TAFA5: variants seen among roughly 807,000 people sequenced by gnomAD.
The protein encoded by TAFA5 is TAFA chemokine like family member 5.
In TAFA5, 6 loss-of-function variants were observed where a neutral mutation model predicts 15.3. That is an observed-to-expected ratio of 0.39 (90% confidence interval 0.21 to 0.77). The LOEUF is 0.77. Among genes scored for constraint, TAFA5 ranks in the 30% least tolerant of loss-of-function variants. The pLI is 0.41. For missense variants in TAFA5, 161 were observed against 193.1 expected (o/e 0.83, Z 0.98); for synonymous variants, 103 against 80.7 (o/e 1.28, Z -1.48).
At chr22:48,532,584 C>CTCTATAGTGTCCCA (rs1289079596) in intron 1 of TAFA5, among the ~76,000 whole-genome samples, 1 of 152,218 alleles carries the variant, frequency 6.6e-6, no homozygotes, top group African/African-American at 2.4e-5. Context: ...AGACCTCAGG[C>CTCTATAGTGTCCCA]TGCAGACACT....
rs563805699 is a variant in TAFA5 at position 48,721,432 on chromosome 22, C to T, written c.390+13588C>T. On this transcript the variant is annotated intron_variant, in intron 3 of 3. Coordinates refer to ENST00000402357, the MANE Select transcript of TAFA5 (RefSeq NM_001082967.3). ...TGTGATCTCAGGTCCTCACCAGAGC[C>T]GTTGGAACCGGTGCCACTGTCTGAT... is the stretch of plus-strand genomic sequence containing the variant. 4.3e-4 allele frequency among the ~76,000 whole-genome samples: 66 copies of T among 152,336 alleles called. 1 individual carries two copies. Among genetic ancestry groups the T allele is most frequent in the Admixed American group, 1.0e-3 (16 of 15,302 alleles).
chr22:48,716,419 C>T (rs2147257444), intron 3 of TAFA5, among the ~76,000 whole-genome samples: 1 of 152,238 alleles, frequency 6.6e-6, no homozygotes, highest in Admixed American at 6.5e-5. Context: ...AACACAGGAA[C>T]AGAAAACCGA....
intron 1 of TAFA5, among the ~76,000 whole-genome samples, chr22:48,524,790 T>C (rs972238632): frequency 6.6e-6 from 1 of 151,672 alleles, no homozygotes; most frequent in Non-Finnish European, 1.5e-5. Context: ...GCACCAGGAG[T>C]GGGGAAGCAG....
In TAFA5 at chr22:48,552,350, T is replaced by C. The variant is rs115195418; in HGVS notation, c.112+62646T>C. Among the ~76,000 whole-genome samples, 177 of 152,252 alleles carry C rather than the reference T, an allele frequency of 1.2e-3. No individual in the cohort carries two copies. The highest frequency in any genetic ancestry group is 3.9e-3 in the African/African-American group (164 of 41,552). On this transcript the variant is annotated intron_variant, in intron 1 of 3. Coordinates refer to ENST00000402357, the MANE Select transcript of TAFA5 (RefSeq NM_001082967.3). The surrounding 1 kb of genome is among the most constrained non-coding windows in gnomAD (Gnocchi z 4.1). Reference sequence around the variant, plus strand: ...AGGCAGTGGCAGAAGTCTGATGGGCTGAAGCCCTCAGGAAACCTTCTCAGG... The same window carrying C: ...AGGCAGTGGCAGAAGTCTGATGGGCCGAAGCCCTCAGGAAACCTTCTCAGG...
At chr22:48,632,202 C>T (rs1401897340) in intron 1 of TAFA5, among the ~76,000 whole-genome samples, 1 of 152,222 alleles carries the variant, frequency 6.6e-6, no homozygotes, top group Non-Finnish European at 1.5e-5. Context: ...CGTCCTCAAC[C>T]CTTACCGCCA....
At chr22:48,491,391 G>C (rs902938144) in intron 1 of TAFA5, among the ~76,000 whole-genome samples, 2 of 152,084 alleles carry the variant, frequency 1.3e-5, no homozygotes, top group Non-Finnish European at 2.9e-5. Flanking sequence ...AGAGAGAGGA[G>C]AGGAGAGGGA....
intron 1 of TAFA5, among the ~76,000 whole-genome samples, chr22:48,571,108 A>ATCGT (rs1418702006): frequency 9.2e-5 from 14 of 152,278 alleles, no homozygotes; most frequent in African/African-American, 3.1e-4. Flanking sequence ...AATGGTATGC[A>ATCGT]TCGTTGACTG....
At chr22:48,494,443 G>C (rs1319920223) in intron 1 of TAFA5, among the ~76,000 whole-genome samples, 1 of 152,208 alleles carries the variant, frequency 6.6e-6, no homozygotes, top group Non-Finnish European at 1.5e-5. Context: ...AATCTGATCA[G>C]GTGGCCGGAG....
chr22:48,530,829 G>A lies in TAFA5; in HGVS notation c.112+41125G>A, dbSNP rs575906106. The stretch of plus-strand genomic sequence containing the variant: ...GGGGCAGGAGAGGCGACCCCAGTGC[G>A]TGTGGCTATGGGCTTCGACAAAGCA... On this transcript the variant is annotated intron_variant, in intron 1 of 3. Coordinates refer to ENST00000402357, the MANE Select transcript of TAFA5 (RefSeq NM_001082967.3). The surrounding 1 kb of genome is among the most constrained non-coding windows in gnomAD (Gnocchi z 6.0). Among the ~76,000 whole-genome samples the A allele has an allele frequency of 6.6e-5, 10 of 152,284 alleles. No individual in the cohort carries two copies. The highest frequency in any genetic ancestry group is 2.0e-4 in the Admixed American group (3 of 15,304).
At chr22:48,676,744 G>T (rs73433900) in intron 2 of TAFA5, among the ~76,000 whole-genome samples, 1 of 152,230 alleles carries the variant, frequency 6.6e-6, no homozygotes, top group African/African-American at 2.4e-5. Flanking sequence ...TCATGGCTTG[G>T]ACTCTGATAC....
At position 48,550,300 on chromosome 22, in the gene TAFA5, G is replaced by A. The variant is rs1922813969; in HGVS notation, c.112+60596G>A. 6.6e-6 allele frequency among the ~76,000 whole-genome samples: 1 copy of A among 152,240 alleles called. No homozygotes were observed. Among genetic ancestry groups the A allele is most frequent in the South Asian group, 2.1e-4 (1 of 4,830 alleles). ...GTAGGCCTGGGAGAACAGGGTCAGTGCAGGCCACAGGTGAGGCCAGATGCA... is the reference window on the plus strand; with the variant it reads ...GTAGGCCTGGGAGAACAGGGTCAGTACAGGCCACAGGTGAGGCCAGATGCA... On this transcript the variant is annotated intron_variant, in intron 1 of 3. Coordinates refer to ENST00000402357, the MANE Select transcript of TAFA5 (RefSeq NM_001082967.3). The surrounding 1 kb of genome is among the most constrained non-coding windows in gnomAD (Gnocchi z 4.1).
chr22:48,685,986 GC>G (rs1233476228), intron 2 of TAFA5, among the ~76,000 whole-genome samples: 1 of 149,210 alleles, frequency 6.7e-6, no homozygotes, highest in Non-Finnish European at 1.5e-5. Context: ...CCCCACGTGC[GC>G]CCCGGGAGTA....
chr22:48,506,462 G>A (rs1411186323), intron 1 of TAFA5, among the ~76,000 whole-genome samples: 2 of 152,234 alleles, frequency 1.3e-5, no homozygotes, highest in African/African-American at 4.8e-5. Flanking sequence ...TGACAAAAAC[G>A]CGGCATGTCC....
intron 2 of TAFA5, among the ~76,000 whole-genome samples, chr22:48,701,562 C>T (rs1320544128): frequency 6.6e-6 from 1 of 152,222 alleles, no homozygotes; most frequent in African/African-American, 2.4e-5. Flanking sequence ...CGGTCCCTGT[C>T]ACCCAAACAG....
chr22:48,675,374 A>ACAGAGCAGGGGATG (rs565375973), intron 2 of TAFA5, among the ~76,000 whole-genome samples: 53 of 152,324 alleles, frequency 3.5e-4, no homozygotes, highest in African/African-American at 1.2e-3. Flanking sequence ...GCAGCGGGAG[A>ACAGAGCAGGGGATG]CAGAGCAGGG....
At chr22:48,738,101 C>T (rs1164574778) in intron 3 of TAFA5, among the ~76,000 whole-genome samples, 2 of 152,084 alleles carry the variant, frequency 1.3e-5, no homozygotes, top group Non-Finnish European at 2.9e-5. Flanking sequence ...AATGGGTGGC[C>T]TGCTGCAGTG....
chr22:48,526,583 C>T (rs1474644605), intron 1 of TAFA5, among the ~76,000 whole-genome samples: 6 of 152,206 alleles, frequency 3.9e-5, no homozygotes, highest in Admixed American at 6.5e-5. Context: ...CTGCTGGCCC[C>T]GGAGCTCCTG....
At chr22:48,545,561 T>C (rs1437122973) in intron 1 of TAFA5, 1 of 153,610 alleles carries the variant, frequency 6.5e-6, no homozygotes, top group Admixed American at 6.4e-5. Context: ...GAGCATCCTG[T>C]GTTGGTGCTG....
At chr22:48,732,788 C>T (rs142519796) in intron 3 of TAFA5, among the ~76,000 whole-genome samples, 19 of 152,272 alleles carry the variant, frequency 1.2e-4, no homozygotes, top group Admixed American at 5.9e-4. Context: ...ATACAGCAAA[C>T]GTTAGTGTTG....
Sources: allele counts gnomAD v4.1 joint callset (sites outside exome capture counted in the v4.1 genomes callset), GRCh38; gene constraint gnomAD v4.1.1; non-coding constraint Gnocchi (gnomAD v3.1); transcripts MANE v1.5; gene names NCBI Gene and HGNC (gene_info 2026-07-23, HGNC 2026-07-21).